QTMAN: variants seen among roughly 807,000 people sequenced by gnomAD.
The protein encoded by QTMAN is queuosine-tRNA mannosyltransferase, also known as tRNA-queuosine alpha-mannosyltransferase.
At chr2:143,951,699 C>T in the QTMAN span, among the ~76,000 whole-genome samples, 57 of 151,512 alleles carry the variant, frequency 3.8e-4, 2 homozygotes, top group East Asian at 0.011. Context: ...AATTCAGGTT[C>T]ATTTTTATAA....
At chr2:143,969,309 G>GTT in the QTMAN span, among the ~76,000 whole-genome samples, 3 of 152,214 alleles carry the variant, frequency 2.0e-5, no homozygotes, top group Admixed American at 6.5e-5. Flanking sequence ...ATTATCTTGT[G>GTT]TTTCACCCTC....
the QTMAN span, among the ~76,000 whole-genome samples, chr2:144,119,536 G>A: frequency 2.6e-5 from 4 of 152,190 alleles, no homozygotes; most frequent in East Asian, 1.9e-4. Flanking sequence ...ATGGTACAAT[G>A]ACCAGGGAAG....
chr2:144,235,763 A>G, the QTMAN span: 1 of 152,564 alleles, frequency 6.6e-6, no homozygotes, highest in African/African-American at 2.4e-5. Flanking sequence ...AGACATAGTT[A>G]GTAACTTCAA....
At chr2:144,035,863 C>T in the QTMAN span, among the ~76,000 whole-genome samples, 1 of 152,256 alleles carries the variant, frequency 6.6e-6, no homozygotes, top group Admixed American at 6.5e-5. Context: ...TCCTTTTAGG[C>T]TTTTTCAGTG....
At chr2:144,190,955 C>A in the QTMAN span, among the ~76,000 whole-genome samples, 3 of 152,182 alleles carry the variant, frequency 2.0e-5, no homozygotes, top group Non-Finnish European at 4.4e-5. Context: ...CTTTTCACAT[C>A]AAAATCCTTA....
At chr2:143,976,920 C>T in the QTMAN span, among the ~76,000 whole-genome samples, 1 of 152,190 alleles carries the variant, frequency 6.6e-6, no homozygotes, top group Non-Finnish European at 1.5e-5. Flanking sequence ...AAAGAACTGG[C>T]TCTGCCTCTG....
the QTMAN span, among the ~76,000 whole-genome samples, chr2:144,331,310 T>C: frequency 3.9e-5 from 6 of 152,200 alleles, no homozygotes; most frequent in Admixed American, 2.0e-4. Context: ...AACACGTTAA[T>C]AGAAGCCAAT....
At chr2:144,042,668 G>A in the QTMAN span, among the ~76,000 whole-genome samples, 7 of 151,574 alleles carry the variant, frequency 4.6e-5, no homozygotes, top group Admixed American at 6.6e-5. Flanking sequence ...GGAGGCTGAG[G>A]CAGGAGAATG....
the QTMAN span, among the ~76,000 whole-genome samples, chr2:144,099,210 C>G: frequency 6.6e-6 from 1 of 152,208 alleles, no homozygotes; most frequent in East Asian, 1.9e-4. Flanking sequence ...AAAACAAAGA[C>G]AGTATCTCAC....
the QTMAN span, among the ~76,000 whole-genome samples, chr2:144,245,758 G>A: frequency 6.6e-6 from 1 of 151,974 alleles, no homozygotes; most frequent in African/African-American, 2.4e-5. Context: ...ACCAAGAAGG[G>A]AAAAAATTTA....
the QTMAN span, among the ~76,000 whole-genome samples, chr2:144,001,468 A>G: frequency 2.0e-5 from 3 of 152,018 alleles, no homozygotes; most frequent in South Asian, 6.2e-4. Flanking sequence ...TTTATGGAAA[A>G]TGCTGCAAAT....
chr2:144,128,775 T>C, the QTMAN span, among the ~76,000 whole-genome samples: 1 of 152,032 alleles, frequency 6.6e-6, no homozygotes, highest in African/African-American at 2.4e-5. Flanking sequence ...TCTAATTCTA[T>C]TCTTTCATTA....
At chr2:143,966,035 T>A in the QTMAN span, among the ~76,000 whole-genome samples, 1 of 152,172 alleles carries the variant, frequency 6.6e-6, no homozygotes, top group Non-Finnish European at 1.5e-5. Context: ...GAACCCTATA[T>A]TTACTGTTTT....
the QTMAN span, among the ~76,000 whole-genome samples, chr2:144,201,432 C>T: frequency 2.0e-5 from 3 of 152,170 alleles, no homozygotes; most frequent in Non-Finnish European, 2.9e-5. Context: ...AGGCAGACAG[C>T]GCCCAGATTG....
chr2:144,134,303 T>C, the QTMAN span, among the ~76,000 whole-genome samples: 1 of 152,166 alleles, frequency 6.6e-6, no homozygotes, highest in South Asian at 2.1e-4. Context: ...ATTCCCTATT[T>C]CTGTTTCTAA....
the QTMAN span, among the ~76,000 whole-genome samples, chr2:144,269,827 TA>T: frequency 3.1e-4 from 45 of 143,604 alleles, no homozygotes; most frequent in East Asian, 1.2e-3. Flanking sequence ...CCTCATTTAG[TA>T]AAAAAAAAAA....
At chr2:144,133,135 ATATATATATAT>A in the QTMAN span, among the ~76,000 whole-genome samples, 2 of 42,774 alleles carry the variant, frequency 4.7e-5, no homozygotes, top group Admixed American at 3.6e-4. Context: ...ATATATATAT[ATATATATATAT>A]ATATAATATA....
chr2:143,988,372 C>T, the QTMAN span, among the ~76,000 whole-genome samples: 1 of 152,130 alleles, frequency 6.6e-6, no homozygotes, highest in Non-Finnish European at 1.5e-5. Flanking sequence ...TCAGGCAGGG[C>T]AATATTCTTT....
chr2:144,324,968 T>C, the QTMAN span, among the ~76,000 whole-genome samples: 2 of 152,138 alleles, frequency 1.3e-5, no homozygotes, highest in African/African-American at 2.4e-5. Context: ...CCTTAGTAAT[T>C]TGCAGCAGAT....
Sources: allele counts gnomAD v4.1 joint callset (sites outside exome capture counted in the v4.1 genomes callset), GRCh38; gene constraint gnomAD v4.1.1; transcripts MANE v1.5; gene names NCBI Gene and HGNC (gene_info 2026-07-23, HGNC 2026-07-21).